The following PKP4 variants were observed in gnomAD, a reference collection of about 807,000 sequenced individuals.
PKP4 encodes plakophilin 4, also known as plakophilin-4.
In PKP4, 90 loss-of-function variants were observed where a neutral mutation model predicts 145.1. The observed-to-expected ratio is 0.62, with a 90% CI of 0.52 to 0.74. The LOEUF (loss-of-function observed/expected upper bound fraction) is 0.74. PKP4 is among the 30% of genes least tolerant of loss of function. The pLI is 0.00. For missense variants in PKP4, 1,340 were observed against 1,482.7 expected, an observed-to-expected ratio of 0.90 and a Z score of 1.58; for synonymous variants, 563 against 577.2, an observed-to-expected ratio of 0.98 and a Z score of 0.35.
intron 1 of PKP4, among the ~76,000 whole-genome samples, chr2:158,506,344 C>T (rs1002749769): frequency 1.3e-5 from 2 of 152,144 alleles, no homozygotes; most frequent in Non-Finnish European, 2.9e-5. Flanking sequence ...TATCAGTGCT[C>T]CCTCCCAAGG....
intron 1 of PKP4, among the ~76,000 whole-genome samples, chr2:158,482,584 C>T (rs1486197121): frequency 6.6e-6 from 1 of 151,888 alleles, no homozygotes; most frequent in African/African-American, 2.4e-5. Context: ...GCCTATAATC[C>T]CAGCACTTTT....
chr2:158,471,184 A>G (rs961016070), intron 1 of PKP4, among the ~76,000 whole-genome samples: 1 of 152,180 alleles, frequency 6.6e-6, no homozygotes, highest in Non-Finnish European at 1.5e-5. Context: ...GATAGAGTGG[A>G]CTTAAGCGTG....
chr2:158,676,967 AG>A (rs776935433), intron 20 of PKP4, 100 bp downstream of exon 20: 30 of 1,374,996 alleles, frequency 2.2e-5, no homozygotes, highest in Non-Finnish European at 2.9e-5. Flanking sequence ...GTATTGAGAC[AG>A]TCCCCCAGCA....
chr2:158,568,602 A>C (rs961863678), intron 2 of PKP4, among the ~76,000 whole-genome samples: 2 of 152,204 alleles, frequency 1.3e-5, no homozygotes, highest in Non-Finnish European at 2.9e-5. Flanking sequence ...ACCACTGTAC[A>C]TGGACCCGTG....
Position 158,680,767 on chromosome 2 carries a change from G to A in PKP4, c.*90G>A. The A allele has an allele frequency of 8.5e-7, 1 of 1,170,076 alleles. No individual in the cohort carries two copies. The highest frequency in any genetic ancestry group is 1.6e-5 in the South Asian group (1 of 63,332). 72.5% of individuals were successfully genotyped at this position (1,170,076 alleles called of 1,614,324 possible). A position where few individuals can be genotyped will look rare whatever the true frequency, so the allele number is the denominator to read the frequency against. ...ATCTTGCTGATTTGATGATTGAAATGTGAAAGTGAAGTGGAAGGAATGAAT... is the reference window on the plus strand; with the variant it reads ...ATCTTGCTGATTTGATGATTGAAATATGAAAGTGAAGTGGAAGGAATGAAT... On this transcript the variant is annotated 3_prime_UTR_variant, in exon 22 of 22. Coordinates refer to ENST00000389759, the MANE Select transcript of PKP4 (RefSeq NM_003628.6).
chr2:158,459,789 TCACACACACA>T (rs3047993), intron 1 of PKP4, among the ~76,000 whole-genome samples: 1 of 148,714 alleles, frequency 6.7e-6, no homozygotes, highest in Non-Finnish European at 1.5e-5. Context: ...GATGTATGGA[TCACACACACA>T]CACACACACA....
At chr2:158,583,370 A>G (rs148777263) in intron 3 of PKP4, among the ~76,000 whole-genome samples, 4 of 152,310 alleles carry the variant, frequency 2.6e-5, no homozygotes, top group Non-Finnish European at 2.9e-5. Flanking sequence ...GAAGCAGGCA[A>G]TGGTGTAGAT....
intron 2 of PKP4, among the ~76,000 whole-genome samples, chr2:158,565,933 A>T (rs1402578956): frequency 6.6e-6 from 1 of 152,190 alleles, no homozygotes; most frequent in Admixed American, 6.5e-5. Context: ...AAAAATTTTG[A>T]ACACTTGTAC....
chr2:158,520,691 C>T (rs977339976), intron 1 of PKP4, among the ~76,000 whole-genome samples: 21 of 152,172 alleles, frequency 1.4e-4, no homozygotes, highest in African/African-American at 5.1e-4. Context: ...CTTCATGTGC[C>T]TCTCTGAGAT....
chr2:158,508,733 T>C (rs1313223669), intron 1 of PKP4, among the ~76,000 whole-genome samples: 1 of 152,236 alleles, frequency 6.6e-6, no homozygotes, highest in African/African-American at 2.4e-5. Context: ...TTATGAATTG[T>C]GAGCATACAT....
chr2:158,621,389 A>G lies in PKP4; in HGVS notation c.571A>G (p.Asn191Asp), dbSNP rs776565483. The G allele has an allele frequency of 6.2e-6, 10 of 1,614,036 alleles. No individual in the cohort carries two copies. In the African/African-American group the frequency reaches 1.3e-4, roughly 22 times the overall value. ...ATCAACTAACAACCATGTGGTGAGG[A>G]ATTCAAGAGCTGAAGGACAAACACT... ...IGSTNNHVVR[N>D]SRAEGQTLVQ... The change falls in exon 6 of 22, where the codon AAT (asparagine) becomes GAT (aspartate). Residue 191 changes from asparagine to aspartate, a missense_variant. Transcript: ENST00000389759.
rs566263562 is a variant in PKP4 at position 158,676,016 on chromosome 2, A to G, written c.3128-723A>G. The stretch of plus-strand genomic sequence containing the variant: ...CTCTTCTTTCTGTGCCACAGTGTCC[A>G]AAAAGAGTCCTAAGGATAGATACGG... On this transcript the variant is annotated intron_variant, in intron 19 of 21. Coordinates refer to ENST00000389759, the MANE Select transcript of PKP4 (RefSeq NM_003628.6). Among the ~76,000 whole-genome samples the G allele has an allele frequency of 2.2e-4, 33 of 152,300 alleles. No individual in the cohort carries two copies. In the South Asian group the frequency reaches 6.2e-3, roughly 29 times the overall value.
chr2:158,549,885 TTTAGG>T (rs2045440719), intron 2 of PKP4, among the ~76,000 whole-genome samples: 1 of 152,336 alleles, frequency 6.6e-6, no homozygotes, highest in South Asian at 2.1e-4. Flanking sequence ...AAACAAAACA[TTTAGG>T]TTGTGAAAAC....
At chr2:158,486,056 A>G (rs1233928260) in intron 1 of PKP4, among the ~76,000 whole-genome samples, 1 of 152,196 alleles carries the variant, frequency 6.6e-6, no homozygotes, top group Non-Finnish European at 1.5e-5. Flanking sequence ...AAGTAAAAGA[A>G]TTACAAAAAT....
chr2:158,608,422 T>C (rs1294381193), intron 4 of PKP4, among the ~76,000 whole-genome samples: 1 of 152,196 alleles, frequency 6.6e-6, no homozygotes, highest in Non-Finnish European at 1.5e-5. Context: ...TCAAGTACTT[T>C]AGTGTTAGGC....
chr2:158,583,624 A>G (rs1198056003), intron 3 of PKP4, among the ~76,000 whole-genome samples: 1 of 152,192 alleles, frequency 6.6e-6, no homozygotes, highest in African/African-American at 2.4e-5. Context: ...TGTGACGACC[A>G]CCACCACTAC....
chr2:158,615,115 TAAG>T (rs751290023), intron 4 of PKP4, among the ~76,000 whole-genome samples: 2 of 152,138 alleles, frequency 1.3e-5, no homozygotes, highest in Non-Finnish European at 2.9e-5. Flanking sequence ...TTTGTGTTTT[TAAG>T]AAGGTTTTTT....
chr2:158,529,720 A>G (rs933156306), intron 1 of PKP4, among the ~76,000 whole-genome samples: 9 of 152,190 alleles, frequency 5.9e-5, no homozygotes, highest in Non-Finnish European at 1.3e-4. Flanking sequence ...TGAAATGCCT[A>G]CATTTCTTTC....
At position 158,554,277 on chromosome 2, in the gene PKP4, A is replaced by G. The variant is rs145002302; in HGVS notation, c.132+20961A>G. Among the ~76,000 whole-genome samples, 254 of 152,160 alleles carry G rather than the reference A, an allele frequency of 1.7e-3. 1 individual carries two copies. The highest frequency in any genetic ancestry group is 5.8e-3 in the African/African-American group (239 of 41,532). ...CTGCTGTGGGTCTCCAGGTGACTTC[A>G]GTATCTACCTAGACAGCCCATCCAG... On this transcript the variant is annotated intron_variant, in intron 2 of 21. Transcript: ENST00000389759.
Sources: allele counts gnomAD v4.1 joint callset (sites outside exome capture counted in the v4.1 genomes callset), GRCh38; gene constraint gnomAD v4.1.1; transcripts MANE v1.5; gene names NCBI Gene and HGNC (gene_info 2026-07-23, HGNC 2026-07-21).